The following GYG2 variants were observed in gnomAD, a reference collection of about 807,000 sequenced individuals.
The protein encoded by GYG2 is glycogenin-2.
Under a neutral mutation model 29.4 loss-of-function variants are expected in GYG2, and 29 were observed. The observed-to-expected ratio is 0.99, with a 90% confidence interval of 0.74 to 1.35. GYG2 has a LOEUF of 1.35. Ranked by LOEUF, GYG2 falls within the 40% of genes most tolerant of loss-of-function variation. The pLI, the probability that GYG2 is intolerant of heterozygous loss-of-function variation, is 0.00. For missense variants in GYG2, 370 were observed against 385.7 expected (o/e 0.96, Z 0.34); for synonymous variants, 167 against 172.3 (o/e 0.97, Z 0.24).
At chrX:2,870,590 T>G (rs2088445111) in intron 8 of GYG2, among the ~76,000 whole-genome samples, 1 of 112,092 alleles carries the variant, frequency 8.9e-6, no homozygotes, top group Admixed American at 9.5e-5. Context: ...CTCCCCATAC[T>G]TCAGTCTACT....
chrX:2,868,474 A>G (rs1174104732), intron 8 of GYG2, among the ~76,000 whole-genome samples: 4 of 109,709 alleles, frequency 3.6e-5, no homozygotes, highest in Non-Finnish European at 7.6e-5. Context: ...AAAAAAAAAA[A>G]AAAGGTATTT....
At chrX:2,836,050 A>G (rs1233202145) in intron 2 of GYG2, among the ~76,000 whole-genome samples, 1 of 110,426 alleles carries the variant, frequency 9.1e-6, no homozygotes, top group East Asian at 2.8e-4. Flanking sequence ...GAGTTAAGGG[A>G]GTGGTAGTAG....
chrX:2,848,748 A>T (rs1405802341), intron 3 of GYG2, among the ~76,000 whole-genome samples: 1 of 111,727 alleles, frequency 9.0e-6, no homozygotes, highest in Non-Finnish European at 1.9e-5. Context: ...TGCATTTTCC[A>T]TCATGTGATT....
intron 2 of GYG2, among the ~76,000 whole-genome samples, chrX:2,836,147 A>G (rs1017736091): frequency 9.0e-5 from 10 of 111,362 alleles, no homozygotes; most frequent in African/African-American, 2.9e-4. Context: ...GGGGGATGAG[A>G]TGACCAGCAG....
At chrX:2,873,160 T>A (rs2088513560) in intron 8 of GYG2, among the ~76,000 whole-genome samples, 1 of 111,727 alleles carries the variant, frequency 9.0e-6, no homozygotes, top group South Asian at 3.8e-4. Context: ...CTGAGAAGTT[T>A]ATGAGTGTCA....
At chrX:2,844,628 ACG>A (rs754587794) in intron 3 of GYG2, among the ~76,000 whole-genome samples, 2 of 13,948 alleles carry the variant, frequency 1.4e-4, no homozygotes, top group Non-Finnish European at 2.3e-4. Context: ...GTATACGCAC[ACG>A]CATGCGTATA....
Position 2,852,612 on chromosome X carries a change from G to C in GYG2, c.150-1368G>C, listed in dbSNP as rs957542746. On this transcript the variant is annotated intron_variant, in intron 3 of 10. Transcript: ENST00000398806. The stretch of plus-strand genomic sequence containing the variant: ...CAGAAAGTAAAAATTGATAGAGATT[G>C]TTATGGACATCTGTTAGTTTCTACC... 3 of 112,018 alleles carry C rather than the reference G, an allele frequency of 2.7e-5. No homozygotes were observed. The East Asian group carries it at 8.4e-4, about 31-fold the overall frequency. 9.2% of individuals were successfully genotyped at this position (112,018 alleles called of 1,213,427 possible).
At chrX:2,856,137 C>T (rs1278768164) in intron 5 of GYG2, among the ~76,000 whole-genome samples, 1 of 111,195 alleles carries the variant, frequency 9.0e-6, no homozygotes, top group Non-Finnish European at 1.9e-5. Context: ...GAAGAATTGC[C>T]TCTAGGTAAA....
chrX:2,874,607 T>G (rs1267848523), intron 8 of GYG2, among the ~76,000 whole-genome samples: 1 of 112,516 alleles, frequency 8.9e-6, no homozygotes, highest in Non-Finnish European at 1.9e-5. Flanking sequence ...GTAAGCTTCA[T>G]GAAGGTGCAG....
intron 2 of GYG2, among the ~76,000 whole-genome samples, chrX:2,840,310 C>T (rs2087465788): frequency 9.0e-6 from 1 of 111,454 alleles, no homozygotes; most frequent in Non-Finnish European, 1.9e-5. Context: ...GGGTGAAGCT[C>T]ACACAGTACC....
chrX:2,830,448 G>A (rs1365363988), intron 2 of GYG2, among the ~76,000 whole-genome samples: 5 of 112,082 alleles, frequency 4.5e-5, no homozygotes, highest in Non-Finnish European at 1.9e-5. Context: ...GTAAAATATA[G>A]TCCTGAAACT....
chrX:2,869,301 A>G (rs750068061), intron 8 of GYG2, among the ~76,000 whole-genome samples: 55 of 112,223 alleles, frequency 4.9e-4, no homozygotes, highest in Non-Finnish European at 7.7e-4. Context: ...CTTATATGCA[A>G]AGACAGTTCC....
At chrX:2,874,805 A>G (rs796171851) in intron 8 of GYG2, among the ~76,000 whole-genome samples, 1 of 112,001 alleles carries the variant, frequency 8.9e-6, no homozygotes, top group South Asian at 3.8e-4. Context: ...ACATCACTCA[A>G]AATCTCTGGG....
At chrX:2,850,066 A>G (rs1468681917) in intron 3 of GYG2, among the ~76,000 whole-genome samples, 1 of 111,222 alleles carries the variant, frequency 9.0e-6, no homozygotes, top group Non-Finnish European at 1.9e-5. Flanking sequence ...GCAGTGAGCT[A>G]TGATTACACC....
chrX:2,853,313 C>T (rs1281946577), intron 3 of GYG2, among the ~76,000 whole-genome samples: 3 of 111,114 alleles, frequency 2.7e-5, no homozygotes, highest in Admixed American at 9.6e-5. Context: ...CGGGTTCAAG[C>T]GATTCTCCTG....
At chrX:2,852,190 G>A (rs2087886927) in intron 3 of GYG2, among the ~76,000 whole-genome samples, 1 of 111,956 alleles carries the variant, frequency 8.9e-6, no homozygotes, top group Non-Finnish European at 1.9e-5. Context: ...CCAGGAGTTC[G>A]AGGCTGCAAT....
At chrX:2,858,055 T>C (rs965849455) in intron 6 of GYG2, among the ~76,000 whole-genome samples, 17 of 106,383 alleles carry the variant, frequency 1.6e-4, no homozygotes, top group African/African-American at 5.6e-4. Context: ...AATGAAAAAT[T>C]ATGAAATTTA....
rs1469768050 is a variant in GYG2, at chrX:2,853,838, A to C, written c.150-142A>C. On this transcript the variant is annotated intron_variant, in intron 3 of 10. Transcript: ENST00000398806. ...CCATCCGTGGAAATGTGCTCTGAAC[A>C]TGGAGACCGCAGTGAGGGCTGTGGG... 6.5e-6 allele frequency: 3 copies of C among 464,209 alleles called. No homozygotes were observed. The African/African-American group carries it at 7.2e-5, about 11-fold the overall frequency. The allele number at this position is 464,209 out of a possible 1,213,427, so 38.3% of individuals were successfully genotyped here.
rs772952263 is a variant in GYG2, at chrX:2,843,372, G to A, written c.149+18G>A. On this transcript the variant is annotated intron_variant, in intron 3 of 10. Transcript: ENST00000398806. ...CTGCTCAGGTAAGGCTCAGAGATGC[G>A]GCTTGTGCCCAGCTGGGTCCTATAG... The A allele has an allele frequency of 5.3e-5, 62 of 1,173,265 alleles. No individual in the cohort carries two copies. The Admixed American group carries it at 6.2e-4, about 12-fold the overall frequency.
Sources: gnomAD v4.1 joint callset for allele counts (sites outside exome capture counted in the v4.1 genomes callset) on GRCh38, gnomAD v4.1.1 for gene constraint, MANE v1.5 for transcripts, NCBI Gene and HGNC (gene_info 2026-07-23, HGNC 2026-07-21) for gene names.